The following COL4A2 variants were observed in gnomAD, a reference collection of about 807,000 sequenced individuals.
The protein encoded by COL4A2 is collagen alpha-2(IV) chain.
COL4A2 carries 99 observed loss-of-function variants against 200.2 expected under a neutral mutation model. That is an observed-to-expected ratio of 0.49 (90% confidence interval 0.42 to 0.58). The LOEUF is 0.58. Among genes scored for constraint, COL4A2 ranks in the 20% least tolerant of loss-of-function variants. The pLI, the probability that COL4A2 is intolerant of heterozygous loss-of-function variation, is 0.00. For missense variants in COL4A2, 1,950 were observed against 2,314.1 expected (o/e 0.84, Z 3.23); for synonymous variants, 897 against 900.6 (o/e 1.00, Z 0.07).
chr13:110,367,006 C>A (rs558260363), intron 4 of COL4A2, among the ~76,000 whole-genome samples: 58 of 152,174 alleles, frequency 3.8e-4, no homozygotes, highest in African/African-American at 1.3e-3. Context: ...GCCATATGTC[C>A]CCACTGATTA....
At chr13:110,316,552 G>A (rs950277517) in intron 3 of COL4A2, among the ~76,000 whole-genome samples, 3 of 152,162 alleles carry the variant, frequency 2.0e-5, no homozygotes, top group African/African-American at 7.2e-5. Context: ...ATTCTTTGTG[G>A]GATCACCAGA....
At position 110,492,182 on chromosome 13, in the gene COL4A2, G is replaced by A. The variant is rs1161835159; in HGVS notation, c.3562+5G>A. 9 of 1,551,500 alleles carry A rather than the reference G, an allele frequency of 5.8e-6. No individual in the cohort carries two copies. Among genetic ancestry groups the A allele is most frequent in the Middle Eastern group, 3.3e-4 (2 of 6,010 alleles). ...CGGGAGCTCCGGGCTTACCAGGTAA[G>A]GTCACGTAAAACACGTGGTCACCCA... On this transcript the variant is annotated splice_donor_5th_base_variant and intron_variant, in intron 38 of 47. Transcript: ENST00000360467.
At chr13:110,397,823 C>T (rs1879233607) in intron 4 of COL4A2, among the ~76,000 whole-genome samples, 2 of 152,184 alleles carry the variant, frequency 1.3e-5, no homozygotes, top group African/African-American at 4.8e-5. Context: ...GCTTTTACAC[C>T]ATATTTTATA....
intron 8 of COL4A2, 88 bp from the exon 9 acceptor site, chr13:110,430,313 A>G (rs1880627640): frequency 1.3e-6 from 2 of 1,551,014 alleles, no homozygotes; most frequent in Non-Finnish European, 1.7e-6. Flanking sequence ...TCTGTTTGAT[A>G]TGCTTATTTC....
At chr13:110,393,292 G>A (rs112886340) in intron 4 of COL4A2, among the ~76,000 whole-genome samples, 2 of 152,038 alleles carry the variant, frequency 1.3e-5, no homozygotes, top group African/African-American at 2.4e-5. Flanking sequence ...TGAACCTTTC[G>A]CTGGCTCAAT....
chr13:110,467,660 G>A (rs79603296), intron 27 of COL4A2, among the ~76,000 whole-genome samples: 26,475 of 152,188 alleles, frequency 0.17, 2,931 homozygotes, highest in East Asian at 0.4. Flanking sequence ...CAGTGTTGGC[G>A]GTGCAGGCCT....
intron 4 of COL4A2, among the ~76,000 whole-genome samples, chr13:110,365,353 A>G (rs1877698674): frequency 6.6e-6 from 1 of 151,990 alleles, no homozygotes; most frequent in African/African-American, 2.4e-5. Flanking sequence ...GTTGGCCAGG[A>G]TGGTCTCGAA....
chr13:110,421,870 G>T (rs1030201934), intron 4 of COL4A2, among the ~76,000 whole-genome samples: 10 of 152,210 alleles, frequency 6.6e-5, no homozygotes, highest in African/African-American at 2.2e-4. Context: ...TCATGATGTG[G>T]TTAGCCACTT....
At chr13:110,482,909 G>A (rs1029852829) in intron 32 of COL4A2, among the ~76,000 whole-genome samples, 5 of 152,142 alleles carry the variant, frequency 3.3e-5, no homozygotes, top group East Asian at 1.9e-4. Context: ...TGATGGCATC[G>A]CTAAGAACCA....
chr13:110,361,094 C>G (rs1877493394), intron 4 of COL4A2, among the ~76,000 whole-genome samples: 1 of 152,210 alleles, frequency 6.6e-6, no homozygotes, highest in Non-Finnish European at 1.5e-5. Flanking sequence ...TTTTCTTATT[C>G]CTGGAGATAT....
chr13:110,316,837 G>A (rs77932322), intron 3 of COL4A2, among the ~76,000 whole-genome samples: 1 of 151,906 alleles, frequency 6.6e-6, no homozygotes, highest in African/African-American at 2.4e-5. Context: ...ATAAGCCCCA[G>A]CCACAGAATA....
At chr13:110,448,116 G>A (rs1353731256) in intron 18 of COL4A2, among the ~76,000 whole-genome samples, 1 of 152,056 alleles carries the variant, frequency 6.6e-6, no homozygotes, top group African/African-American at 2.4e-5. Flanking sequence ...CATCCATGGC[G>A]CACACCTGGC....
chr13:110,475,749 A>G (rs901378763), intron 29 of COL4A2, among the ~76,000 whole-genome samples: 1 of 152,214 alleles, frequency 6.6e-6, no homozygotes, highest in Non-Finnish European at 1.5e-5. Context: ...GACGGCCACA[A>G]ACACACGCAG....
chr13:110,469,013 T>C (rs1394711168), intron 27 of COL4A2, among the ~76,000 whole-genome samples: 1 of 152,158 alleles, frequency 6.6e-6, no homozygotes, highest in Non-Finnish European at 1.5e-5. Flanking sequence ...GATATTATCA[T>C]TCTTATGGTT....
At chr13:110,416,914 C>T (rs1200639800) in intron 4 of COL4A2, among the ~76,000 whole-genome samples, 1 of 152,200 alleles carries the variant, frequency 6.6e-6, no homozygotes. Context: ...GTATCACCAT[C>T]AGACAGACCA....
At chr13:110,464,770 C>T (rs894593947) in intron 24 of COL4A2, among the ~76,000 whole-genome samples, 1 of 152,170 alleles carries the variant, frequency 6.6e-6, no homozygotes, top group Non-Finnish European at 1.5e-5. Context: ...CACGTGGGGA[C>T]AGCACCGAGC....
At chr13:110,473,340 G>T in intron 29 of COL4A2, 190 bp downstream of exon 29, 1 of 549,668 alleles carries the variant, frequency 1.8e-6, no homozygotes, top group South Asian at 2.5e-5. Flanking sequence ...GACTACCCAC[G>T]GTAGCCAGTG....
intron 28 of COL4A2, among the ~76,000 whole-genome samples, chr13:110,472,525 T>G (rs1882519465): frequency 6.6e-6 from 1 of 152,186 alleles, no homozygotes; most frequent in Non-Finnish European, 1.5e-5. Flanking sequence ...GCCCTGTTCG[T>G]TCCTGCCTCC....
intron 37 of COL4A2, 56 bp from the exon 38 acceptor site, chr13:110,492,014 C>A: frequency 6.8e-7 from 1 of 1,480,784 alleles, no homozygotes; most frequent in Non-Finnish European, 9.1e-7. Flanking sequence ...AGGACCTCAC[C>A]ACACAGCGCC....
Sources: allele counts gnomAD v4.1 joint callset (sites outside exome capture counted in the v4.1 genomes callset), GRCh38; gene constraint gnomAD v4.1.1; transcripts MANE v1.5; gene names NCBI Gene and HGNC (gene_info 2026-07-23, HGNC 2026-07-21).